Variants in MEP1A observed in about 807,000 individuals in gnomAD.
The protein encoded by MEP1A is N-benzoyl-L-tyrosyl-P-amino-benzoic acid hydrolase subunit alpha.
In MEP1A, 68 loss-of-function variants were observed where a neutral mutation model predicts 84.5. The ratio of observed to expected loss-of-function variants is 0.80; its 90% CI spans 0.66 to 0.98. The LOEUF is 0.98. MEP1A is among the 50% of genes least tolerant of loss of function. The pLI is 0.00. For synonymous variants in MEP1A, 337 were observed against 336.8 expected (o/e 1.00, Z -0.01); for missense variants, 887 against 919.9 (o/e 0.96, Z 0.46).
intron 7 of MEP1A, among the ~76,000 whole-genome samples, chr6:46,824,538 TATTTAATATATAAATTATATA>T (rs1767857227): frequency 7.1e-6 from 1 of 141,016 alleles, no homozygotes; most frequent in South Asian, 2.1e-4. Context: ...AATTATCATC[TATTTAATATATAAATTATATA>T]TTAAATAGAT....
intron 6 of MEP1A, among the ~76,000 whole-genome samples, chr6:46,815,204 C>A (rs1767606939): frequency 6.6e-6 from 1 of 152,158 alleles, no homozygotes; most frequent in Non-Finnish European, 1.5e-5. Context: ...AGAAAGATCA[C>A]CAGGTTGGAG....
chr6:46,835,237 T>C lies in MEP1A; in HGVS notation c.1784-12T>C. On this transcript the variant is annotated splice_polypyrimidine_tract_variant and intron_variant, in intron 12 of 13. Transcript: ENST00000230588. ...ATCCTGGATCTTCCTCATGACTCTC[T>C]ATTTCCTGAAGATATCACCCACCTC... 1 of 1,574,230 alleles carries C rather than the reference T, an allele frequency of 6.4e-7. No individual in the cohort carries two copies.
At position 46,839,530 on chromosome 6, in the gene MEP1A, A is replaced by G. The variant is rs1264190002; in HGVS notation, c.*394A>G. ...GTTGAATGAATAAAACAATAAATGA[A>G]TGAATAACTAAGATATAGAAACTCT... On this transcript the variant is annotated 3_prime_UTR_variant, in exon 14 of 14. Transcript: ENST00000230588. 6.4e-6 allele frequency: 1 copy of G among 155,138 alleles called. No individual in the cohort carries two copies. The highest frequency in any genetic ancestry group is 6.5e-5 in the Admixed American group (1 of 15,376). The allele number at this position is 155,138 out of a possible 1,614,324, so 9.6% of individuals were successfully genotyped here. A position where few individuals can be genotyped will look rare whatever the true frequency, so the allele number is the denominator to read the frequency against.
In MEP1A at chr6:46,825,176, T is replaced by G. The variant is rs1364289119; in HGVS notation, c.557-96T>G. 3 of 452,828 alleles carry G rather than the reference T, an allele frequency of 6.6e-6. No homozygotes were observed. The Admixed American group carries it at 1.1e-4, about 17-fold the overall frequency. 28.1% of individuals were successfully genotyped at this position (452,828 alleles called of 1,614,324 possible). Reference sequence around the variant, plus strand: ...TAATATATATATTTAAATAGAACTATTTCCCTTTTTTGGAGGGTCTCTGGG... The same window carrying G: ...TAATATATATATTTAAATAGAACTAGTTCCCTTTTTTGGAGGGTCTCTGGG... On this transcript the variant is annotated intron_variant, in intron 7 of 13. Coordinates refer to ENST00000230588, the MANE Select transcript of MEP1A (RefSeq NM_005588.3).
At chr6:46,835,009 A>C (rs1355396368) in intron 12 of MEP1A, among the ~76,000 whole-genome samples, 2 of 152,210 alleles carry the variant, frequency 1.3e-5, no homozygotes, top group Non-Finnish European at 2.9e-5. Flanking sequence ...AGTTTCCATC[A>C]GCCTATCCAT....
intron 3 of MEP1A, among the ~76,000 whole-genome samples, chr6:46,794,634 GTTGATATTTAA>G (rs780034641): frequency 6.6e-6 from 1 of 152,184 alleles, no homozygotes; most frequent in African/African-American, 2.4e-5. Context: ...AAGCCAGTTA[GTTGATATTTAA>G]TTGGAATAGC....
intron 6 of MEP1A, among the ~76,000 whole-genome samples, chr6:46,810,134 T>A (rs115264330): frequency 0.015 from 2,322 of 152,106 alleles, 62 homozygotes; most frequent in African/African-American, 0.053. Flanking sequence ...ATATAATTTT[T>A]AAAAATTTTT....
At chr6:46,818,625 C>G (rs527290552) in intron 6 of MEP1A, among the ~76,000 whole-genome samples, 34 of 152,226 alleles carry the variant, frequency 2.2e-4, no homozygotes, top group Non-Finnish European at 3.5e-4. Flanking sequence ...CAGAGGTTCC[C>G]GAGCCCACTG....
chr6:46,845,114 A>C, the MEP1A span, among the ~76,000 whole-genome samples: 1 of 152,176 alleles, frequency 6.6e-6, no homozygotes, highest in Admixed American at 6.5e-5. Context: ...TCTTTCCTTT[A>C]TAAATTACCC....
intron 9 of MEP1A, among the ~76,000 whole-genome samples, chr6:46,826,779 C>T (rs1581684509): frequency 6.6e-6 from 1 of 152,160 alleles, no homozygotes. Context: ...TAGAACCACA[C>T]CCTCCTACAG....
At chr6:46,841,207 G>A (rs10755731), downstream of MEP1A, among the ~76,000 whole-genome samples, 11 of 152,116 alleles carry the variant, frequency 7.2e-5, no homozygotes, top group South Asian at 2.1e-3. Context: ...TAATGATAAG[G>A]AGGTACCAGA....
rs756047398 is a variant in MEP1A at position 46,838,954 on chromosome 6, A to G, written c.2085-26A>G. The stretch of plus-strand genomic sequence containing the variant: ...CACCTGAGGCCTGGGTAGTTCCCAC[A>G]CTCCCTTCATGTCCTTTTCCCTCAG... On this transcript the variant is annotated intron_variant, in intron 13 of 13. Transcript: ENST00000230588. 25 of 1,593,144 alleles carry G rather than the reference A, an allele frequency of 1.6e-5. No homozygotes were observed. In the African/African-American group the frequency reaches 3.2e-4, roughly 21 times the overall value.
intron 5 of MEP1A, among the ~76,000 whole-genome samples, chr6:46,808,636 A>G (rs1450931080): frequency 6.6e-6 from 1 of 152,086 alleles, no homozygotes; most frequent in African/African-American, 2.4e-5. Context: ...TTGTCTTACA[A>G]TGCCAAAGTG....
At chr6:46,842,385 C>A (rs574508559), downstream of MEP1A, among the ~76,000 whole-genome samples, 1 of 152,220 alleles carries the variant, frequency 6.6e-6, no homozygotes, top group Non-Finnish European at 1.5e-5. Flanking sequence ...GAATTCTTTT[C>A]CCAGCAAGGA....
chr6:46,808,900 CCT>C (rs1767424584), intron 5 of MEP1A, among the ~76,000 whole-genome samples: 1 of 152,168 alleles, frequency 6.6e-6, no homozygotes, highest in Admixed American at 6.6e-5. Context: ...AACCCACAAA[CCT>C]CTCTAAGTTC....
chr6:46,797,386 C>T (rs190401897), intron 3 of MEP1A, among the ~76,000 whole-genome samples: 2,212 of 152,246 alleles, frequency 0.015, 58 homozygotes, highest in Non-Finnish European at 0.014. Flanking sequence ...CAAAGATCTT[C>T]CCTTTTAAGA....
At chr6:46,820,948 T>C (rs1483984045) in intron 7 of MEP1A, among the ~76,000 whole-genome samples, 2 of 152,186 alleles carry the variant, frequency 1.3e-5, no homozygotes, top group African/African-American at 2.4e-5. Context: ...ATAATAGCCT[T>C]GTGTAGGTAT....
chr6:46,807,959 T>C (rs193106263), intron 5 of MEP1A, among the ~76,000 whole-genome samples: 1 of 152,010 alleles, frequency 6.6e-6, no homozygotes, highest in Non-Finnish European at 1.5e-5. Context: ...ATCCCAATAA[T>C]GTTGAGGTAG....
chr6:46,833,558 A>G lies in MEP1A; in HGVS notation c.1609+20A>G, dbSNP rs368015265. 6 of 1,582,204 alleles carry G rather than the reference A, an allele frequency of 3.8e-6. No homozygotes were observed. In the African/African-American group the frequency reaches 8.1e-5, roughly 21 times the overall value. Reference sequence around the variant, plus strand: ...CTCCAGGTGGGTGGTGTCAGCGCAAATAAGAACTGCCCCTTGAACCAGAGA... The same window carrying G: ...CTCCAGGTGGGTGGTGTCAGCGCAAGTAAGAACTGCCCCTTGAACCAGAGA... On this transcript the variant is annotated intron_variant, in intron 11 of 13. Transcript: ENST00000230588.
Sources: allele counts gnomAD v4.1 joint callset (sites outside exome capture counted in the v4.1 genomes callset), GRCh38; gene constraint gnomAD v4.1.1; transcripts MANE v1.5; gene names NCBI Gene and HGNC (gene_info 2026-07-23, HGNC 2026-07-21).